The following RAPGEF5 variants were observed in gnomAD, a reference collection of about 807,000 sequenced individuals.
RAPGEF5 encodes the protein Rap guanine nucleotide exchange factor 5, also known as M-Ras-regulated GEF.
Under a neutral mutation model 125.2 loss-of-function variants are expected in RAPGEF5, and 65 were observed. That is an observed-to-expected ratio of 0.52 (90% CI 0.43 to 0.64). The LOEUF (loss-of-function observed/expected upper bound fraction) is 0.64. RAPGEF5 is among the 30% of genes least tolerant of loss of function. The pLI is 0.00. For missense variants in RAPGEF5, 958 were observed against 1,048.1 expected (o/e 0.91, Z 1.19); for synonymous variants, 391 against 385.9 (o/e 1.01, Z -0.16).
intron 6 of RAPGEF5, among the ~76,000 whole-genome samples, chr7:22,282,068 T>A (rs1782684292): frequency 6.6e-6 from 1 of 152,242 alleles, no homozygotes; most frequent in African/African-American, 2.4e-5. Flanking sequence ...TTTCTATTCA[T>A]TCATACTCTC....
At chr7:22,304,304 G>A (rs1783281308) in intron 5 of RAPGEF5, among the ~76,000 whole-genome samples, 1 of 152,142 alleles carries the variant, frequency 6.6e-6, no homozygotes, top group Admixed American at 6.5e-5. Flanking sequence ...TTTGCTGTAT[G>A]AGTCAGTTAC....
chr7:22,291,356 C>G (rs999484653), intron 5 of RAPGEF5, 115 bp from the exon 6 acceptor site: 34 of 1,407,428 alleles, frequency 2.4e-5, no homozygotes, highest in Admixed American at 5.8e-5. Flanking sequence ...AGCAAAAGTA[C>G]TCATGAAAAT....
chr7:22,211,195 A>G (rs1785499898), intron 9 of RAPGEF5, among the ~76,000 whole-genome samples: 1 of 152,204 alleles, frequency 6.6e-6, no homozygotes, highest in African/African-American at 2.4e-5. Flanking sequence ...TGCAAAAGGA[A>G]AAAAAGGTTC....
chr7:22,132,378 C>CTT (rs33968264), intron 23 of RAPGEF5, among the ~76,000 whole-genome samples: 2 of 148,058 alleles, frequency 1.4e-5, no homozygotes, highest in African/African-American at 5.0e-5. Flanking sequence ...CCTTTCCTCT[C>CTT]TTTTTTTTTT....
At chr7:22,353,943 G>T (rs960820497) in intron 1 of RAPGEF5, among the ~76,000 whole-genome samples, 2 of 152,104 alleles carry the variant, frequency 1.3e-5, no homozygotes, top group South Asian at 4.1e-4. Flanking sequence ...ATGGTGGTGT[G>T]TGCCTGTATC....
rs150318320 is a variant in RAPGEF5, at chr7:22,176,050, C to T, written c.1205-8902G>A. On this transcript the variant is annotated intron_variant, in intron 11 of 25. Coordinates refer to ENST00000665637, the MANE Select transcript of RAPGEF5 (RefSeq NM_012294.5). ...AAAGGAAAGACGTTTAAAGGACTCA[C>T]AGTTCCACATGGCTCAGGAGGCCTC... Among the ~76,000 whole-genome samples the T allele has an allele frequency of 2.0e-5, 3 of 152,236 alleles. No homozygotes were observed. In the East Asian group the frequency reaches 5.8e-4, roughly 29 times the overall value.
At chr7:22,195,252 A>G (rs1785120485) in intron 9 of RAPGEF5, among the ~76,000 whole-genome samples, 1 of 152,140 alleles carries the variant, frequency 6.6e-6, no homozygotes, top group Non-Finnish European at 1.5e-5. Flanking sequence ...CAGGGATGTC[A>G]ATGTATTTGA....
At chr7:22,244,332 G>A (rs1445338684) in intron 7 of RAPGEF5, among the ~76,000 whole-genome samples, 1 of 152,156 alleles carries the variant, frequency 6.6e-6, no homozygotes, top group Non-Finnish European at 1.5e-5. Context: ...GCCACGGACT[G>A]GTGCTGATCC....
At chr7:22,207,968 T>C (rs1463609669) in intron 9 of RAPGEF5, among the ~76,000 whole-genome samples, 1 of 152,110 alleles carries the variant, frequency 6.6e-6, no homozygotes. Flanking sequence ...ACAAATACCT[T>C]ATTCAAAGTG....
chr7:22,298,371 GT>G (rs1166361734), intron 5 of RAPGEF5, among the ~76,000 whole-genome samples: 2 of 151,868 alleles, frequency 1.3e-5, no homozygotes, highest in African/African-American at 2.4e-5. Context: ...TAGAGATGGG[GT>G]TTCTCCATAT....
At chr7:22,303,501 A>C (rs1476206326) in intron 5 of RAPGEF5, among the ~76,000 whole-genome samples, 1 of 152,242 alleles carries the variant, frequency 6.6e-6, no homozygotes, top group East Asian at 1.9e-4. Flanking sequence ...ATTTGTATGG[A>C]ACAAAATTGT....
intron 9 of RAPGEF5, among the ~76,000 whole-genome samples, chr7:22,216,157 G>C (rs1030306384): frequency 6.6e-6 from 1 of 152,096 alleles, no homozygotes. Context: ...CCTCTCACTT[G>C]ACTCACTATG....
In RAPGEF5 at chr7:22,136,218, C is replaced by G. The variant is rs141515509; in HGVS notation, c.2329-93G>C. 5.3e-3 allele frequency: 4,911 copies of G among 930,596 alleles called. 22 individuals are homozygous for G. The highest frequency in any genetic ancestry group is 8.3e-3 in the Admixed American group (289 of 34,668). The allele number at this position is 930,596 out of a possible 1,614,324, so 57.6% of individuals were successfully genotyped here. A position where few individuals can be genotyped will look rare whatever the true frequency, so the allele number is the denominator to read the frequency against. On this transcript the variant is annotated intron_variant, in intron 22 of 25. Transcript: ENST00000665637. ...CCTTTGCTACACAATTTGAACATAA[C>G]TTAGATATAGAGAGATTCCTCCTAA...
At chr7:22,228,814 T>C (rs1785986711) in intron 8 of RAPGEF5, among the ~76,000 whole-genome samples, 2 of 151,864 alleles carry the variant, frequency 1.3e-5, no homozygotes, top group Non-Finnish European at 2.9e-5. Context: ...CGACTGTTAC[T>C]CGCCCAAGGT....
chr7:22,234,701 T>A (rs895310333), intron 7 of RAPGEF5, among the ~76,000 whole-genome samples: 1 of 152,146 alleles, frequency 6.6e-6, no homozygotes, highest in African/African-American at 2.4e-5. Context: ...GGATTCAAGG[T>A]GAATGAGTGT....
chr7:22,211,492 G>A (rs778286213), intron 9 of RAPGEF5, among the ~76,000 whole-genome samples: 4 of 152,182 alleles, frequency 2.6e-5, no homozygotes, highest in Non-Finnish European at 4.4e-5. Flanking sequence ...TAGGGAAAAG[G>A]TAATAAATTA....
intron 9 of RAPGEF5, among the ~76,000 whole-genome samples, chr7:22,219,058 A>G (rs1194688638): frequency 6.6e-6 from 1 of 152,192 alleles, no homozygotes; most frequent in Non-Finnish European, 1.5e-5. Context: ...ACAAAATCTC[A>G]AGGAAAAATT....
At chr7:22,217,353 G>A (rs933594779) in intron 9 of RAPGEF5, among the ~76,000 whole-genome samples, 1 of 152,174 alleles carries the variant, frequency 6.6e-6, no homozygotes, top group African/African-American at 2.4e-5. Context: ...GCAGATGACT[G>A]CTACTGTAAA....
chr7:22,195,427 C>T (rs1233556197), intron 9 of RAPGEF5, among the ~76,000 whole-genome samples: 4 of 152,164 alleles, frequency 2.6e-5, no homozygotes, highest in Non-Finnish European at 4.4e-5. Flanking sequence ...AAATATTTGT[C>T]ATTCTAAACA....
Sources: gnomAD v4.1 joint callset for allele counts (sites outside exome capture counted in the v4.1 genomes callset) on GRCh38, gnomAD v4.1.1 for gene constraint, MANE v1.5 for transcripts, NCBI Gene and HGNC (gene_info 2026-07-23, HGNC 2026-07-21) for gene names.